RMDN2: variants seen among roughly 807,000 people sequenced by gnomAD.
RMDN2 encodes the protein regulator of microtubule dynamics 2, also known as regulator of microtubule dynamics protein 2.
In RMDN2, 61 loss-of-function variants were observed where a neutral mutation model predicts 52.8. The ratio of observed to expected loss-of-function variants is 1.16; its 90% CI spans 0.94 to 1.43. The LOEUF (loss-of-function observed/expected upper bound fraction) is 1.43. Ranked by LOEUF, RMDN2 falls within the 40% of genes most tolerant of loss-of-function variation. RMDN2 has a pLI of 0.00. For synonymous variants in RMDN2, 180 were observed against 153.1 expected (o/e 1.18, Z -1.30); for missense variants, 592 against 475.3 (o/e 1.25, Z -2.28).
chr2:38,062,932 A>G (rs1211762000), intron 10 of RMDN2, among the ~76,000 whole-genome samples: 1 of 152,064 alleles, frequency 6.6e-6, no homozygotes, highest in Non-Finnish European at 1.5e-5. Context: ...CCATGTCCCT[A>G]CAAAGGACAT....
intron 10 of RMDN2, among the ~76,000 whole-genome samples, chr2:38,031,834 T>A (rs1237257058): frequency 6.6e-6 from 1 of 152,170 alleles, no homozygotes; most frequent in East Asian, 1.9e-4. Context: ...CCATGAGGAA[T>A]GCAGTGACCT....
At chr2:37,965,338 G>GT (rs398060100) in intron 2 of RMDN2, among the ~76,000 whole-genome samples, 6,179 of 111,730 alleles carry the variant, frequency 0.055, 405 homozygotes, top group African/African-American at 0.17. Context: ...TTTGTGTTTA[G>GT]TTTTTTTTTT....
intron 7 of RMDN2, among the ~76,000 whole-genome samples, chr2:37,994,972 T>G (rs1165275912): frequency 6.6e-6 from 1 of 152,166 alleles, no homozygotes; most frequent in Non-Finnish European, 1.5e-5. Flanking sequence ...TCAGTATTTG[T>G]GTAGGGCTAG....
intron 10 of RMDN2, among the ~76,000 whole-genome samples, chr2:38,028,397 A>G (rs1260774334): frequency 6.6e-6 from 1 of 152,188 alleles, no homozygotes; most frequent in Non-Finnish European, 1.5e-5. Flanking sequence ...TGTTTGCTTC[A>G]TTGTATGGCA....
Position 37,955,608 on chromosome 2 carries a change from G to T in RMDN2, c.453-18432G>T, listed in dbSNP as rs1489050004. Reference sequence around the variant, plus strand: ...TGAATCATGGGGGCCGATCTTTCCTGTGCAATTCTTGTGATAATGAGTAAG... The same window carrying T: ...TGAATCATGGGGGCCGATCTTTCCTTTGCAATTCTTGTGATAATGAGTAAG... On this transcript the variant is annotated intron_variant, in intron 2 of 10. Transcript: ENST00000354545. Among the ~76,000 whole-genome samples, 5 of 152,146 alleles carry T rather than the reference G, an allele frequency of 3.3e-5. No homozygotes were observed. The East Asian group carries it at 9.7e-4, about 29-fold the overall frequency.
At chr2:38,041,020 T>C (rs894828411) in intron 10 of RMDN2, among the ~76,000 whole-genome samples, 19 of 152,230 alleles carry the variant, frequency 1.2e-4, no homozygotes, top group African/African-American at 4.6e-4. Context: ...AATTGTTTAT[T>C]ACAAGTATAT....
intron 10 of RMDN2, among the ~76,000 whole-genome samples, chr2:38,050,057 T>G (rs1681494191): frequency 6.6e-6 from 1 of 152,238 alleles, no homozygotes; most frequent in African/African-American, 2.4e-5. Context: ...ATCTCCATTT[T>G]ACACATGAGG....
intron 5 of RMDN2, among the ~76,000 whole-genome samples, chr2:37,988,488 A>T (rs1036518612): frequency 2.4e-4 from 36 of 152,172 alleles, no homozygotes; most frequent in African/African-American, 8.4e-4. Context: ...CATAACTGAA[A>T]AGTGGCCATT....
intron 4 of RMDN2, among the ~76,000 whole-genome samples, chr2:37,978,341 A>G (rs1672836318): frequency 2.4e-5 from 3 of 122,752 alleles, no homozygotes; most frequent in African/African-American, 3.3e-5. Context: ...AGGGGGAGGG[A>G]GAGGGAAAGG....
rs144887374 is a variant in RMDN2, at chr2:37,994,179, C to T, written c.945+2882C>T. On this transcript the variant is annotated intron_variant, in intron 7 of 10. Transcript: ENST00000354545. Reference sequence around the variant, plus strand: ...AGTCAGCAGAAAACAAAACAAAAAACCAGCAGTGGACCTAAAAAGACTTCA... The same window carrying T: ...AGTCAGCAGAAAACAAAACAAAAAATCAGCAGTGGACCTAAAAAGACTTCA... 1.4e-4 allele frequency among the ~76,000 whole-genome samples: 22 copies of T among 152,236 alleles called. No individual in the cohort carries two copies. In the East Asian group the frequency reaches 4.2e-3, roughly 29 times the overall value.
intron 10 of RMDN2, chr2:38,066,760 T>A: frequency 3.8e-6 from 2 of 529,560 alleles, no homozygotes; most frequent in Non-Finnish European, 3.4e-6. Context: ...CCAATTATAA[T>A]TATTTAAAGG....
chr2:38,055,052 G>C (rs1036080544), intron 10 of RMDN2, among the ~76,000 whole-genome samples: 1 of 152,128 alleles, frequency 6.6e-6, no homozygotes, highest in Non-Finnish European at 1.5e-5. Context: ...TATCAGTTTT[G>C]TATTGCAAGC....
rs963439786 is a variant in RMDN2 at position 38,057,390 on chromosome 2, T to A, written c.1714-9592T>A. On this transcript the variant is annotated intron_variant, in intron 10 of 10. Transcript: ENST00000234195. Reference sequence around the variant, plus strand: ...TTGAATTTCATAAAATGTTCATGTGTCATAAAATACTTTTCCTCTTTTGAT... The same window carrying A: ...TTGAATTTCATAAAATGTTCATGTGACATAAAATACTTTTCCTCTTTTGAT... 3.9e-5 allele frequency among the ~76,000 whole-genome samples: 6 copies of A among 152,370 alleles called. No individual in the cohort carries two copies. In the East Asian group the frequency reaches 7.7e-4, roughly 20 times the overall value.
chr2:37,946,726 A>G (rs1016124424), intron 2 of RMDN2, among the ~76,000 whole-genome samples: 1 of 152,172 alleles, frequency 6.6e-6, no homozygotes, highest in Non-Finnish European at 1.5e-5. Context: ...CTTTTTTTCA[A>G]TAGTTATTGC....
intron 10 of RMDN2, among the ~76,000 whole-genome samples, chr2:38,034,000 C>T (rs336036): frequency 0.64 from 97,897 of 152,174 alleles, 31,852 homozygotes; most frequent in East Asian, 0.88. Context: ...AATCTGTTGA[C>T]GTTTATCCCC....
intron 2 of RMDN2, among the ~76,000 whole-genome samples, chr2:37,960,065 T>C (rs536980033): frequency 3.8e-4 from 58 of 152,338 alleles, no homozygotes; most frequent in African/African-American, 1.4e-3. Flanking sequence ...CTTCCAATTA[T>C]GTGGTCAGTT....
chr2:37,973,067 G>C (rs2125066192), intron 2 of RMDN2, among the ~76,000 whole-genome samples: 1 of 150,986 alleles, frequency 6.6e-6, no homozygotes, highest in African/African-American at 2.4e-5. Context: ...GTCCTTTGTA[G>C]CAAAGGTATA....
At chr2:37,986,568 A>G (rs1674044643) in intron 5 of RMDN2, among the ~76,000 whole-genome samples, 1 of 152,136 alleles carries the variant, frequency 6.6e-6, no homozygotes, top group Non-Finnish European at 1.5e-5. Flanking sequence ...GACAATGTGT[A>G]AAAAGAATTA....
intron 2 of RMDN2, among the ~76,000 whole-genome samples, chr2:37,942,068 T>C (rs1667841214): frequency 6.6e-6 from 1 of 152,174 alleles, no homozygotes; most frequent in South Asian, 2.1e-4. Context: ...CTGTGGGTTG[T>C]GAAGACCGTG....
Sources: gnomAD v4.1 joint callset for allele counts (sites outside exome capture counted in the v4.1 genomes callset) on GRCh38, gnomAD v4.1.1 for gene constraint, MANE v1.5 for transcripts, NCBI Gene and HGNC (gene_info 2026-07-23, HGNC 2026-07-21) for gene names.